The following AUTS2 variants were observed in gnomAD, a reference collection of about 807,000 sequenced individuals.
AUTS2 encodes the protein autism susceptibility gene 2 protein.
AUTS2 carries 17 observed loss-of-function variants against 112.4 expected under a neutral mutation model. That is an observed-to-expected ratio of 0.15 (90% CI 0.10 to 0.23). The LOEUF is 0.23. AUTS2 is among the 10% of genes least tolerant of loss of function. The probability of loss-of-function intolerance (pLI) is 1.00; values close to 1 mark genes in which losing one functional copy is unlikely to be tolerated. For synonymous variants in AUTS2, 751 were observed against 702.7 expected (o/e 1.07, Z -1.09); for missense variants, 1,510 against 1,701.6 (o/e 0.89, Z 1.98).
At chr7:69,898,343 A>T (rs925404417) in intron 1 of AUTS2, among the ~76,000 whole-genome samples, 1 of 152,140 alleles carries the variant, frequency 6.6e-6, no homozygotes, top group Non-Finnish European at 1.5e-5. Context: ...TTTTCATTTT[A>T]TTGCTTAGTG....
intron 11 of AUTS2, 91 bp downstream of exon 11, chr7:70,771,735 G>T (rs1440974155): frequency 8.9e-7 from 1 of 1,128,856 alleles, no homozygotes; most frequent in Non-Finnish European, 1.3e-6. Flanking sequence ...TCTTGCCTGT[G>T]CAGTGACTCA....
intron 1 of AUTS2, among the ~76,000 whole-genome samples, chr7:69,672,146 G>A (rs1183983450): frequency 6.6e-6 from 1 of 151,548 alleles, no homozygotes; most frequent in Non-Finnish European, 1.5e-5. Context: ...TGCAACCTCC[G>A]CCTCCCAGGT....
At chr7:70,417,899 G>A (rs868730789) in intron 4 of AUTS2, among the ~76,000 whole-genome samples, 4 of 152,126 alleles carry the variant, frequency 2.6e-5, no homozygotes, top group South Asian at 2.1e-4. Flanking sequence ...GAAACACTGG[G>A]CCCTCACCAC....
At chr7:69,713,399 C>A (rs1443883888) in intron 1 of AUTS2, among the ~76,000 whole-genome samples, 1 of 151,934 alleles carries the variant, frequency 6.6e-6, no homozygotes, top group African/African-American at 2.4e-5. Context: ...GTTGACCAAT[C>A]TCTCTTATGT....
chr7:69,696,255 C>T (rs983378368), intron 1 of AUTS2, among the ~76,000 whole-genome samples: 2 of 152,096 alleles, frequency 1.3e-5, no homozygotes, highest in East Asian at 1.9e-4. Flanking sequence ...GTTTGGTTAC[C>T]TTACCCCTCC....
chr7:70,329,582 A>G (rs1048276412), intron 4 of AUTS2, among the ~76,000 whole-genome samples: 2 of 150,462 alleles, frequency 1.3e-5, no homozygotes, highest in East Asian at 1.9e-4. Context: ...TTTTAGAGAA[A>G]TGTCTACTCA....
intron 5 of AUTS2, among the ~76,000 whole-genome samples, chr7:70,511,689 C>T (rs980488725): frequency 6.7e-6 from 1 of 150,282 alleles, no homozygotes; most frequent in African/African-American, 2.4e-5. Flanking sequence ...GATTCTCCTG[C>T]CTCAGCCTCC....
intron 5 of AUTS2, among the ~76,000 whole-genome samples, chr7:70,627,204 T>C (rs777042204): frequency 3.3e-5 from 5 of 152,358 alleles, no homozygotes; most frequent in Middle Eastern, 3.4e-3. Context: ...TAATAGCCAT[T>C]CTGACTGGTG....
intron 4 of AUTS2, among the ~76,000 whole-genome samples, chr7:70,343,218 C>T (rs894554526): frequency 2.0e-5 from 3 of 152,212 alleles, no homozygotes; most frequent in African/African-American, 7.2e-5. Context: ...TCAGAACTCT[C>T]CAGTTCACAC....
chr7:69,929,344 C>A (rs925780907), intron 2 of AUTS2, among the ~76,000 whole-genome samples: 1 of 151,484 alleles, frequency 6.6e-6, no homozygotes, highest in African/African-American at 2.4e-5. Flanking sequence ...ACCCTAGTTT[C>A]CTTCATGTTT....
intron 5 of AUTS2, chr7:70,437,737 G>T (rs111664856): frequency 0.037 from 5,604 of 152,034 alleles, 185 homozygotes; most frequent in African/African-American, 0.079. Flanking sequence ...CTACTCGGGA[G>T]GCTGAGGCAG....
chr7:70,451,593 G>A (rs1796536704), intron 5 of AUTS2, among the ~76,000 whole-genome samples: 1 of 152,090 alleles, frequency 6.6e-6, no homozygotes, highest in Non-Finnish European at 1.5e-5. Flanking sequence ...TATGCCACAT[G>A]TGTTAAAGTA....
intron 4 of AUTS2, among the ~76,000 whole-genome samples, chr7:70,250,528 G>A (rs1299011624): frequency 6.6e-6 from 1 of 152,166 alleles, no homozygotes; most frequent in Non-Finnish European, 1.5e-5. Flanking sequence ...TCATCAGAAT[G>A]AAACTACAAA....
intron 6 of AUTS2, among the ~76,000 whole-genome samples, chr7:70,712,286 G>GAACC (rs1049212396): frequency 1.6e-5 from 2 of 124,488 alleles, no homozygotes; most frequent in African/African-American, 6.1e-5. Context: ...AGCTCAAAAT[G>GAACC]AACCGCCCAC....
chr7:69,860,355 C>A (rs575522401), intron 1 of AUTS2, among the ~76,000 whole-genome samples: 7 of 152,198 alleles, frequency 4.6e-5, no homozygotes, highest in African/African-American at 1.7e-4. Flanking sequence ...TTAAAAAAAA[C>A]TTTCTATTTT....
intron 5 of AUTS2, among the ~76,000 whole-genome samples, chr7:70,553,756 CTTTCTTTTT>C (rs1801114768): frequency 2.0e-5 from 2 of 98,128 alleles, no homozygotes; most frequent in Non-Finnish European, 4.1e-5. Flanking sequence ...AGAGGCCTTT[CTTTCTTTTT>C]TTTTTTTTTT....
At chr7:70,236,626 C>G (rs1812342796) in intron 4 of AUTS2, among the ~76,000 whole-genome samples, 1 of 152,284 alleles carries the variant, frequency 6.6e-6, no homozygotes, top group Non-Finnish European at 1.5e-5. Context: ...CCTCTGTCAG[C>G]AAGTATTTGA....
At chr7:70,316,393 G>C (rs1789996726) in intron 4 of AUTS2, among the ~76,000 whole-genome samples, 1 of 144,384 alleles carries the variant, frequency 6.9e-6, no homozygotes, top group African/African-American at 2.6e-5. Flanking sequence ...ATGGAGCCAG[G>C]TCTCTATTTT....
intron 1 of AUTS2, among the ~76,000 whole-genome samples, chr7:69,774,834 A>G (rs1413162971): frequency 2.6e-5 from 4 of 152,180 alleles, no homozygotes; most frequent in Non-Finnish European, 4.4e-5. Flanking sequence ...ATAGAGTCCA[A>G]TAATTTTTTT....
Sources: allele counts gnomAD v4.1 joint callset (sites outside exome capture counted in the v4.1 genomes callset), GRCh38; gene constraint gnomAD v4.1.1; transcripts MANE v1.5; gene names NCBI Gene and HGNC (gene_info 2026-07-23, HGNC 2026-07-21).